Variants in POFUT1 observed in about 807,000 individuals in gnomAD.
POFUT1 encodes the protein GDP-fucose protein O-fucosyltransferase 1.
A neutral mutation model predicts 42.4 loss-of-function variants in POFUT1; 16 were observed. The observed-to-expected ratio is 0.38, with a 90% CI of 0.26 to 0.57. POFUT1 has a LOEUF of 0.57. POFUT1 is among the 20% of genes least tolerant of loss of function. The pLI, the probability that POFUT1 is intolerant of heterozygous loss-of-function variation, is 0.71. For synonymous variants in POFUT1, 206 were observed against 205.4 expected (o/e 1.00, Z -0.03); for missense variants, 470 against 504.6 (o/e 0.93, Z 0.66).
Position 32,218,831 on chromosome 20 carries a change from C to T in POFUT1, c.542+2110C>T, listed in dbSNP as rs375883601. On this transcript the variant is annotated intron_variant, in intron 4 of 6. Transcript: ENST00000375749. ...ACAATCCTAGTAGGAAGAGAAAGGACAATGGTGCATGGGGAGTGTTGTTGA... is the reference window on the plus strand; with the variant it reads ...ACAATCCTAGTAGGAAGAGAAAGGATAATGGTGCATGGGGAGTGTTGTTGA... Among the ~76,000 whole-genome samples the T allele has an allele frequency of 1.7e-4, 26 of 152,322 alleles. 1 individual carries two copies. In the South Asian group the frequency reaches 4.8e-3, roughly 28 times the overall value.
At chr20:32,213,395 G>T (rs942483556) in intron 2 of POFUT1, among the ~76,000 whole-genome samples, 3 of 151,134 alleles carry the variant, frequency 2.0e-5, no homozygotes, top group Admixed American at 2.0e-4. Flanking sequence ...GGCGAAGTTT[G>T]CAGTGAGCCG....
intron 4 of POFUT1, chr20:32,222,831 C>T (rs892133395): frequency 2.0e-6 from 2 of 985,252 alleles, no homozygotes; most frequent in African/African-American, 3.5e-5. Flanking sequence ...AAACCATTCT[C>T]AGGTATAATG....
intron 2 of POFUT1, among the ~76,000 whole-genome samples, chr20:32,212,479 T>A (rs2047334727): frequency 6.6e-6 from 1 of 152,140 alleles, no homozygotes; most frequent in South Asian, 2.1e-4. Flanking sequence ...TTTCCCAGGC[T>A]GGTCTCAAAC....
chr20:32,223,880 T>A, intron 4 of POFUT1: 1 of 189,394 alleles, frequency 5.3e-6, no homozygotes, highest in Non-Finnish European at 9.8e-6. Flanking sequence ...TGCCTGGATT[T>A]AAATCCTGGC....
At chr20:32,216,430 G>A (rs1490725878) in intron 3 of POFUT1, among the ~76,000 whole-genome samples, 179 bp from the exon 4 acceptor site, 2 of 152,118 alleles carry the variant, frequency 1.3e-5, no homozygotes, top group Non-Finnish European at 2.9e-5. Flanking sequence ...TTGAAGCCAC[G>A]GCACTCTGCT....
At position 32,230,997 on chromosome 20, in the gene POFUT1, C is replaced by T. The variant is rs576049320; in HGVS notation, c.914C>T (p.Ser305Leu). 39 of 1,614,152 alleles carry T rather than the reference C, an allele frequency of 2.4e-5. 1 individual carries two copies. The highest frequency in any genetic ancestry group is 3.3e-4 in the Middle Eastern group (2 of 6,062). The change falls in exon 6 of 7, where the codon TCG becomes TTG. Residue 305 changes from serine (S) to leucine (L), a missense_variant. Physicochemically the swap from Ser to Leu is moderately radical, Grantham distance 145 (BLOSUM62 -2). Coordinates refer to ENST00000375749, the MANE Select transcript of POFUT1 (RefSeq NM_015352.2). ...KLWVRSLDAQSVYVATDSESY... is the reference protein window; with the variant it reads ...KLWVRSLDAQLVYVATDSESY... ...TGGGTGAGGTCGCTGGATGCCCAGT[C>T]GGTCTACGTTGCTACTGATTCCGAG... is the stretch of plus-strand genomic sequence containing the variant.
chr20:32,218,919 G>T (rs1021523110), intron 4 of POFUT1, among the ~76,000 whole-genome samples: 2 of 152,138 alleles, frequency 1.3e-5, no homozygotes, highest in African/African-American at 2.4e-5. Flanking sequence ...TTACATGAGG[G>T]TTTGAAGAAG....
At chr20:32,223,347 A>G in intron 4 of POFUT1, 1 of 985,360 alleles carries the variant, frequency 1.0e-6, no homozygotes, top group South Asian at 4.7e-5. Flanking sequence ...AAGTGAGCAG[A>G]TCAGCCTTAG....
chr20:32,210,238 T>C, intron 2 of POFUT1, 46 bp downstream of exon 2: 1 of 1,609,680 alleles, frequency 6.2e-7, no homozygotes. Context: ...CCTTTCTCAG[T>C]CTTGCTTACT....
In POFUT1 at chr20:32,234,965, C is replaced by G; in HGVS notation, c.*304C>G. The G allele has an allele frequency of 3.5e-6, 1 of 288,282 alleles. No homozygotes were observed. The highest frequency in any genetic ancestry group is 6.5e-6 in the Non-Finnish European group (1 of 154,352). The allele number at this position is 288,282 out of a possible 1,614,324, so 17.9% of individuals were successfully genotyped here. A position where few individuals can be genotyped will look rare whatever the true frequency, so the allele number is the denominator to read the frequency against. ...TTCTGGTCCACTCTGCTCTGAGCAG[C>G]CTGGGATGCTGAACTCTTCAGAGAG... On this transcript the variant is annotated 3_prime_UTR_variant, in exon 7 of 7. Coordinates refer to ENST00000375749, the MANE Select transcript of POFUT1 (RefSeq NM_015352.2).
In POFUT1 at chr20:32,219,953, T is replaced by TTA. The variant is rs541063258; in HGVS notation, c.542+3234_542+3235dup. Among the ~76,000 whole-genome samples the TTA allele has an allele frequency of 3.1e-3, 479 of 152,350 alleles. 3 individuals are homozygous for TTA. Among genetic ancestry groups the TTA allele is most frequent in the Non-Finnish European group, 5.5e-3 (374 of 68,022 alleles). ...TCTTATTTCTTGGAACGAATAACCT[T>TTA]TATTCTTGCAATGAATAGCCTCAGT... On this transcript the variant is annotated intron_variant, in intron 4 of 6. Coordinates refer to ENST00000375749, the MANE Select transcript of POFUT1 (RefSeq NM_015352.2).
intron 4 of POFUT1, among the ~76,000 whole-genome samples, chr20:32,218,969 G>A (rs1394761962): frequency 6.6e-6 from 1 of 152,244 alleles, no homozygotes; most frequent in Non-Finnish European, 1.5e-5. Context: ...AGGAAAATTA[G>A]TAGGGAAGAT....
intron 5 of POFUT1, among the ~76,000 whole-genome samples, chr20:32,230,055 G>C (rs2047434136): frequency 6.6e-6 from 1 of 151,962 alleles, no homozygotes; most frequent in Non-Finnish European, 1.5e-5. Context: ...TGGGATTACA[G>C]GTGCGAGGCA....
intron 6 of POFUT1, among the ~76,000 whole-genome samples, chr20:32,231,593 G>C (rs955592059): frequency 3.3e-5 from 5 of 152,194 alleles, no homozygotes; most frequent in Non-Finnish European, 5.9e-5. Flanking sequence ...TAATAGCAGA[G>C]ACTCTGGAGT....
chr20:32,228,403 C>A lies in POFUT1; in HGVS notation c.683C>A (p.Ala228Asp), dbSNP rs762822789. The A allele has an allele frequency of 6.2e-7, 1 of 1,614,168 alleles. No individual in the cohort carries two copies. The change falls in exon 5 of 7, where the codon GCC becomes GAC. Residue 228 changes from alanine (A) to aspartate (D), a missense_variant. Ala to Asp is a moderately radical substitution (Grantham distance 126, BLOSUM62 -2). Coordinates refer to ENST00000375749, the MANE Select transcript of POFUT1 (RefSeq NM_015352.2). Reference sequence around the variant, plus strand: ...AAGACGGGAGAGGCCCAGATTCATGCCCACCTTGTCCGGCCCTATGTGGGC... The same window carrying A: ...AAGACGGGAGAGGCCCAGATTCATGACCACCTTGTCCGGCCCTATGTGGGC... ...MVKTGEAQIH[A>D]HLVRPYVGIH...
intron 5 of POFUT1, among the ~76,000 whole-genome samples, chr20:32,230,303 C>T (rs1185503719): frequency 2.7e-5 from 4 of 150,600 alleles, no homozygotes; most frequent in Admixed American, 6.6e-5. Flanking sequence ...AGGAGAATGG[C>T]GTGAACCCAG....
Position 32,228,296 on chromosome 20 carries a change from G to T in POFUT1, c.576G>T (p.Leu192=). The part of the protein sequence containing the change: ...FSPKEHPVLA[L]PGAPAQFPVL... Reference sequence around the variant, plus strand: ...CAAAGGAACATCCGGTGCTTGCCCTGCCAGGAGCCCCAGCCCAGTTCCCCG... The same window carrying T: ...CAAAGGAACATCCGGTGCTTGCCCTTCCAGGAGCCCCAGCCCAGTTCCCCG... The change falls in exon 5 of 7, where the codon CTG becomes CTT. Residue 192 remains leucine (L), a synonymous_variant. Coordinates refer to ENST00000375749, the MANE Select transcript of POFUT1 (RefSeq NM_015352.2). 6.2e-7 allele frequency: 1 copy of T among 1,613,832 alleles called. No individual in the cohort carries two copies. Among genetic ancestry groups the T allele is most frequent in the Non-Finnish European group, 8.5e-7 (1 of 1,179,832 alleles).
At chr20:32,210,296 G>A in intron 2 of POFUT1, 104 bp downstream of exon 2, 1 of 1,166,020 alleles carries the variant, frequency 8.6e-7, no homozygotes, top group Non-Finnish European at 1.3e-6. Context: ...ACTCCTCTGA[G>A]ATTTCCCTAC....
chr20:32,224,490 A>G (rs2047405421), intron 4 of POFUT1, among the ~76,000 whole-genome samples: 4 of 152,144 alleles, frequency 2.6e-5, no homozygotes, highest in African/African-American at 7.2e-5. Flanking sequence ...GGCCTGTGTA[A>G]GTGACACAGG....
Sources: allele counts gnomAD v4.1 joint callset (sites outside exome capture counted in the v4.1 genomes callset), GRCh38; gene constraint gnomAD v4.1.1; transcripts MANE v1.5; gene names NCBI Gene and HGNC (gene_info 2026-07-23, HGNC 2026-07-21).